NLGN1: variants seen among roughly 807,000 people sequenced by gnomAD.
The protein encoded by NLGN1 is neuroligin-1.
Under a neutral mutation model 65.5 loss-of-function variants are expected in NLGN1, and 12 were observed. The ratio of observed to expected loss-of-function variants is 0.18; its 90% CI spans 0.12 to 0.30. The LOEUF (loss-of-function observed/expected upper bound fraction) is 0.30, where lower values mean the gene tolerates loss of function less well. Among genes scored for constraint, NLGN1 ranks in the 10% least tolerant of loss-of-function variants. The probability of loss-of-function intolerance (pLI) is 1.00; values close to 1 mark genes in which losing one functional copy is unlikely to be tolerated. For missense variants in NLGN1, 750 were observed against 1,007.1 expected (o/e 0.74, Z 3.46); for synonymous variants, 350 against 359.5 (o/e 0.97, Z 0.30).
rs146250083 is a variant in NLGN1 at position 173,407,937 on chromosome 3, G to A, written c.-390+9450G>A. On this transcript the variant is annotated intron_variant, in intron 1 of 6. Coordinates refer to ENST00000457714, the Ensembl canonical transcript of NLGN1. ...ATTACTCATATCAGAAAGAGTTTGC[G>A]TCCACTAAAAATAAATTATTTAAAA... 5.0e-3 allele frequency among the ~76,000 whole-genome samples: 766 copies of A among 152,222 alleles called. 8 individuals carry two copies. The highest frequency in any genetic ancestry group is 0.017 in the African/African-American group (717 of 41,544).
Position 173,569,461 on chromosome 3 carries a change from T to C in NLGN1, c.-320-34818T>C, listed in dbSNP as rs565155917. Among the ~76,000 whole-genome samples the C allele has an allele frequency of 2.6e-5, 4 of 151,988 alleles. No homozygotes were observed. The South Asian group carries it at 6.2e-4, about 24-fold the overall frequency. ...AAAAATCTTTACTATATTATAGACATATTTTCGGAGAAGGCTATTTTTATT... is the reference window on the plus strand; with the variant it reads ...AAAAATCTTTACTATATTATAGACACATTTTCGGAGAAGGCTATTTTTATT... On this transcript the variant is annotated intron_variant, in intron 2 of 6. Transcript: ENST00000457714.
intron 4 of NLGN1, among the ~76,000 whole-genome samples, chr3:174,076,724 A>AGAGAGAGT (rs1491274049): frequency 7.3e-5 from 6 of 82,138 alleles, no homozygotes; most frequent in East Asian, 3.7e-4. Flanking sequence ...AGAGAGAGAG[A>AGAGAGAGT]GTGTGTGTGT....
At chr3:173,709,815 A>AC (rs1268126594) in intron 3 of NLGN1, among the ~76,000 whole-genome samples, 3 of 151,418 alleles carry the variant, frequency 2.0e-5, no homozygotes, top group African/African-American at 7.3e-5. Context: ...AAAAAAAAAA[A>AC]AAAAAAAAAA....
At chr3:173,819,753 A>T (rs2150523933) in intron 4 of NLGN1, among the ~76,000 whole-genome samples, 1 of 152,300 alleles carries the variant, frequency 6.6e-6, no homozygotes, top group African/African-American at 2.4e-5. Context: ...CACCCAAATT[A>T]AAAAATATCT....
intron 4 of NLGN1, among the ~76,000 whole-genome samples, chr3:173,906,386 T>C (rs1738388901): frequency 6.6e-6 from 1 of 152,304 alleles, no homozygotes; most frequent in African/African-American, 2.4e-5. Flanking sequence ...TAATTGATAA[T>C]TTATATTAAT....
chr3:174,201,295 GGGGAGGGA>G (rs1734409976), intron 4 of NLGN1, among the ~76,000 whole-genome samples: 2 of 140,204 alleles, frequency 1.4e-5, no homozygotes, highest in Non-Finnish European at 1.5e-5. Flanking sequence ...GAACGGAAAG[GGGGAGGGA>G]GGGAGGAAGG....
At chr3:173,585,700 C>G (rs1747305574) in intron 2 of NLGN1, among the ~76,000 whole-genome samples, 1 of 152,190 alleles carries the variant, frequency 6.6e-6, no homozygotes, top group African/African-American at 2.4e-5. Flanking sequence ...TGCCGAGGGC[C>G]CAGGCTAGCG....
intron 4 of NLGN1, among the ~76,000 whole-genome samples, chr3:174,036,845 A>C (rs1197738269): frequency 6.6e-6 from 1 of 152,104 alleles, no homozygotes; most frequent in Non-Finnish European, 1.5e-5. Context: ...AAGTGAGAAC[A>C]TGCAGTATTT....
chr3:173,937,011 A>G (rs1745190025), intron 4 of NLGN1, among the ~76,000 whole-genome samples: 1 of 152,094 alleles, frequency 6.6e-6, no homozygotes, highest in African/African-American at 2.4e-5. Flanking sequence ...ATACACAGAA[A>G]CACAATGAAA....
intron 4 of NLGN1, among the ~76,000 whole-genome samples, chr3:174,055,083 G>T (rs1269965573): frequency 6.7e-6 from 1 of 150,206 alleles, no homozygotes; most frequent in East Asian, 2.0e-4. Flanking sequence ...ATATATCACA[G>T]CACCTATTGC....
chr3:173,973,055 C>G (rs1716627700), intron 4 of NLGN1, among the ~76,000 whole-genome samples: 1 of 152,104 alleles, frequency 6.6e-6, no homozygotes. Flanking sequence ...TTTAACCTCT[C>G]CTTGTCTCAG....
At chr3:173,497,312 C>T (rs1003776800) in intron 2 of NLGN1, among the ~76,000 whole-genome samples, 1 of 151,264 alleles carries the variant, frequency 6.6e-6, no homozygotes. Context: ...CGCTTGAATT[C>T]GGGAGGTGGA....
At chr3:173,660,756 A>C (rs1452494757) in intron 3 of NLGN1, among the ~76,000 whole-genome samples, 1 of 151,960 alleles carries the variant, frequency 6.6e-6, no homozygotes, top group Non-Finnish European at 1.5e-5. Context: ...GAGCACCAAA[A>C]TATATCATGT....
chr3:173,750,266 C>G (rs539300956), intron 3 of NLGN1, among the ~76,000 whole-genome samples: 4 of 152,160 alleles, frequency 2.6e-5, no homozygotes, highest in African/African-American at 9.6e-5. Context: ...GTTGTCCAGG[C>G]TATGTGACTG....
chr3:174,137,697 T>C (rs1284513673), intron 4 of NLGN1, among the ~76,000 whole-genome samples: 1 of 152,200 alleles, frequency 6.6e-6, no homozygotes, highest in Admixed American at 6.5e-5. Context: ...AAGACAGCCA[T>C]ATTAATTTTG....
At chr3:174,167,675 T>A (rs2152728767) in intron 4 of NLGN1, among the ~76,000 whole-genome samples, 1 of 151,456 alleles carries the variant, frequency 6.6e-6, no homozygotes, top group Admixed American at 6.6e-5. Context: ...GGTGACTATA[T>A]GCCTTGGTGA....
intron 3 of NLGN1, among the ~76,000 whole-genome samples, chr3:173,707,496 A>C (rs2149919367): frequency 6.6e-6 from 1 of 152,116 alleles, no homozygotes; most frequent in Non-Finnish European, 1.5e-5. Context: ...ATATAAACAT[A>C]AATATAATAA....
chr3:174,280,904 C>G lies in NLGN1; in HGVS notation c.2073C>G (p.Ile691Met). 1 of 1,613,392 alleles carries G rather than the reference C, an allele frequency of 6.2e-7. No homozygotes were observed. Reference sequence around the variant, plus strand: ...GAGCATCACTGCTGTTTCTGAACATCTTGGCCTTTGCAGCCCTGTACTACA... The same window carrying G: ...GAGCATCACTGCTGTTTCTGAACATGTTGGCCTTTGCAGCCCTGTACTACA... Residue 691 changes from isoleucine (I) to methionine (M), a missense_variant, in exon 7 of 7, where the codon ATC becomes ATG. Transcript: ENST00000457714. This position sits in a 1 kb window ranked among gnomAD's most constrained non-coding sequence, Gnocchi z 4.9.
At chr3:173,452,104 T>C (rs1272610059) in intron 2 of NLGN1, among the ~76,000 whole-genome samples, 2 of 152,212 alleles carry the variant, frequency 1.3e-5, no homozygotes, top group Non-Finnish European at 2.9e-5. Flanking sequence ...GAGATCAACC[T>C]GGTACCTCAG....
Sources: gnomAD v4.1 joint callset for allele counts (sites outside exome capture counted in the v4.1 genomes callset) on GRCh38, gnomAD v4.1.1 for gene constraint, Gnocchi (gnomAD v3.1) non-coding constraint, MANE v1.5 for transcripts, NCBI Gene and HGNC (gene_info 2026-07-23, HGNC 2026-07-21) for gene names.